The following ERI1 variants were observed in gnomAD, a reference collection of about 807,000 sequenced individuals.
ERI1 encodes the protein exoribonuclease 1.
In ERI1, 39 loss-of-function variants were observed where a neutral mutation model predicts 39.7. The ratio of observed to expected loss-of-function variants is 0.98; its 90% CI spans 0.76 to 1.28. The LOEUF (loss-of-function observed/expected upper bound fraction) is 1.28, where lower values mean the gene tolerates loss of function less well. Ranked by LOEUF, ERI1 falls within the 50% of genes most tolerant of loss-of-function variation. ERI1 has a pLI of 0.00. For synonymous variants in ERI1, 204 were observed against 149.6 expected, an observed-to-expected ratio of 1.36 and a Z score of -2.65; for missense variants, 581 against 416.9, an observed-to-expected ratio of 1.39 and a Z score of -3.43.
At chr8:9,065,517 A>G (rs2117410213) in intron 3 of ERI1, among the ~76,000 whole-genome samples, 1 of 152,054 alleles carries the variant, frequency 6.6e-6, no homozygotes, top group South Asian at 2.1e-4. Flanking sequence ...AACGTGGTGA[A>G]ACGCCGTCTC....
In ERI1 at chr8:9,031,559, C is replaced by T. The variant is rs1797592536; in HGVS notation, c.*1525C>T. On this transcript the variant is annotated 3_prime_UTR_variant, in exon 7 of 7. Transcript: ENST00000250263. ...CATCCCAGATAGCACTGTACAATAA[C>T]CTGTAAAGTATTACTGAATACTGAA... 6.6e-6 allele frequency: 1 copy of T among 152,130 alleles called. No individual in the cohort carries two copies. Among genetic ancestry groups the T allele is most frequent in the Non-Finnish European group, 1.5e-5 (1 of 68,038 alleles). 9.4% of individuals were successfully genotyped at this position (152,130 alleles called of 1,614,324 possible). A position where few individuals can be genotyped will look rare whatever the true frequency, so the allele number is the denominator to read the frequency against.
intron 3 of ERI1, among the ~76,000 whole-genome samples, chr8:9,075,499 T>G (rs1799181456): frequency 6.6e-6 from 1 of 152,118 alleles, no homozygotes; most frequent in South Asian, 2.1e-4. Context: ...TTTTTTTTTT[T>G]TGCAATGCTT....
chr8:9,095,271 G>A (rs558219317), intron 3 of ERI1, among the ~76,000 whole-genome samples: 2 of 152,248 alleles, frequency 1.3e-5, no homozygotes, highest in East Asian at 3.9e-4. Flanking sequence ...GGGTTCTGTT[G>A]AATAGATTGG....
chr8:9,032,526 G>T lies in ERI1; in HGVS notation c.*2492G>T, dbSNP rs1307993054. ...GATGTGTCTTTGTTGCCTTGAGATA[G>T]ATCCATTTATCCTGCCTCCTAGGGA... On this transcript the variant is annotated 3_prime_UTR_variant, in exon 7 of 7. Transcript: ENST00000250263. 6.6e-6 allele frequency: 1 copy of T among 152,126 alleles called. No homozygotes were observed. Among genetic ancestry groups the T allele is most frequent in the African/African-American group, 2.4e-5 (1 of 41,414 alleles). 9.4% of individuals were successfully genotyped at this position (152,126 alleles called of 1,614,324 possible).
intron 3 of ERI1, among the ~76,000 whole-genome samples, chr8:9,089,318 T>C (rs536189144): frequency 4.7e-4 from 71 of 152,348 alleles, no homozygotes; most frequent in African/African-American, 1.7e-3. Flanking sequence ...TTGCCCAGGC[T>C]GGTCTTGAAC....
At chr8:9,040,054 A>G (rs868135700) in intron 3 of ERI1, among the ~76,000 whole-genome samples, 86 of 152,132 alleles carry the variant, frequency 5.7e-4, no homozygotes, top group Admixed American at 3.3e-3. Context: ...CCAGTCAATG[A>G]TTGTTCTGTG....
Position 9,024,951 on chromosome 8 carries a change from G to C in ERI1, c.807+4487G>C, listed in dbSNP as rs572994193. Among the ~76,000 whole-genome samples, 43 of 151,118 alleles carry C rather than the reference G, an allele frequency of 2.8e-4. 1 individual carries two copies. The South Asian group carries it at 9.0e-3, about 32-fold the overall frequency. Reference sequence around the variant, plus strand: ...CTCTTCATGCATGTTAAAAAAAAAAGCTTGCTTACACATGTAGAAAGTTGA... The same window carrying C: ...CTCTTCATGCATGTTAAAAAAAAAACCTTGCTTACACATGTAGAAAGTTGA... On this transcript the variant is annotated intron_variant, in intron 6 of 6. Transcript: ENST00000250263.
intron 1 of ERI1, 90 bp from the exon 2 acceptor site, chr8:9,007,880 T>G: frequency 6.7e-7 from 1 of 1,489,856 alleles, no homozygotes; most frequent in East Asian, 2.4e-5. Flanking sequence ...GCTTCAGAAG[T>G]TTGAAAGTTT....
downstream of ERI1, among the ~76,000 whole-genome samples, chr8:9,035,831 C>G (rs1442159207): frequency 1.3e-5 from 2 of 152,136 alleles, no homozygotes; most frequent in Non-Finnish European, 2.9e-5. Context: ...AAGGATTCAC[C>G]ATTCTATTCT....
intron 3 of ERI1, among the ~76,000 whole-genome samples, chr8:9,054,183 G>C (rs968417812): frequency 2.0e-5 from 3 of 152,182 alleles, no homozygotes; most frequent in African/African-American, 7.2e-5. Context: ...ATTGTAGTGG[G>C]AATGGTGTTT....
intron 3 of ERI1, among the ~76,000 whole-genome samples, chr8:9,063,159 G>C (rs748596402): frequency 6.6e-6 from 1 of 152,180 alleles, no homozygotes; most frequent in East Asian, 1.9e-4. Context: ...AGCAGATTGG[G>C]TAATAAAATA....
At chr8:9,075,850 C>G (rs1033143066) in intron 3 of ERI1, among the ~76,000 whole-genome samples, 1 of 152,166 alleles carries the variant, frequency 6.6e-6, no homozygotes, top group Admixed American at 6.5e-5. Context: ...TATGCCCAGG[C>G]TGGTTTTGAA....
downstream of ERI1, among the ~76,000 whole-genome samples, chr8:9,037,262 C>G (rs746710330): frequency 5.9e-5 from 9 of 152,182 alleles, no homozygotes; most frequent in Non-Finnish European, 1.2e-4. Flanking sequence ...TTACTCCCCT[C>G]ACCATCACAC....
At position 9,083,220 on chromosome 8, in the gene ERI1, C is replaced by G. The variant is rs548152733; in HGVS notation, n.300-33128C>G. On this transcript the variant is annotated intron_variant and non_coding_transcript_variant, in intron 3 of 3. Transcript: ENST00000518663. ...AAGTCAATGACTGTGGCAATAATCCCTTATCTTGATCTACTTTCAGTGAAA... is the reference window on the plus strand; with the variant it reads ...AAGTCAATGACTGTGGCAATAATCCGTTATCTTGATCTACTTTCAGTGAAA... Among the ~76,000 whole-genome samples the G allele has an allele frequency of 2.6e-4, 39 of 152,188 alleles. 1 individual carries two copies. The South Asian group carries it at 8.1e-3, about 32-fold the overall frequency.
intron 3 of ERI1, among the ~76,000 whole-genome samples, chr8:9,043,743 G>A (rs752990533): frequency 2.3e-4 from 35 of 152,162 alleles, no homozygotes; most frequent in Non-Finnish European, 4.3e-4. Flanking sequence ...GTTGGAGACA[G>A]GGTCTCACTA....
chr8:9,083,666 G>A (rs545997876), intron 3 of ERI1, among the ~76,000 whole-genome samples: 1 of 151,646 alleles, frequency 6.6e-6, no homozygotes, highest in Admixed American at 6.6e-5. Flanking sequence ...GAAGAATACT[G>A]CTTCATGCTT....
intron 2 of ERI1, among the ~76,000 whole-genome samples, chr8:9,010,752 A>G (rs1054402124): frequency 1.6e-4 from 25 of 152,180 alleles, no homozygotes; most frequent in African/African-American, 5.1e-4. Context: ...GGAAAAATAC[A>G]TATTGTTTAA....
intron 6 of ERI1, among the ~76,000 whole-genome samples, chr8:9,028,427 G>A (rs942075387): frequency 6.6e-6 from 1 of 152,122 alleles, no homozygotes; most frequent in Admixed American, 6.5e-5. Flanking sequence ...CAGTATTACA[G>A]CTTAAGATAA....
rs371640018 is a variant in ERI1 at position 9,011,737 on chromosome 8, G to A, written c.483G>A (p.Thr161=). 99 of 1,600,438 alleles carry A rather than the reference G, an allele frequency of 6.2e-5. No individual in the cohort carries two copies. Among genetic ancestry groups the A allele is most frequent in the Non-Finnish European group, 8.2e-5 (96 of 1,171,622 alleles). Residue 161 remains threonine (T), a synonymous_variant, in exon 3 of 7, where the codon ACG becomes ACA. Coordinates refer to ENST00000250263, the MANE Select transcript of ERI1 (RefSeq NM_153332.4). ...AATTTCCGGTTGTTTTACTGAATACGCATACTTTAGAAATAGTAAGTGAAT... is the reference window on the plus strand; with the variant it reads ...AATTTCCGGTTGTTTTACTGAATACACATACTTTAGAAATAGTAAGTGAAT... ...IIEFPVVLLN[T]HTLEIEDTFQ... is the part of the protein sequence containing the mutation.
Sources: allele counts gnomAD v4.1 joint callset (sites outside exome capture counted in the v4.1 genomes callset), GRCh38; gene constraint gnomAD v4.1.1; transcripts MANE v1.5; gene names NCBI Gene and HGNC (gene_info 2026-07-23, HGNC 2026-07-21).